Variants in PCP4 observed in about 807,000 individuals in gnomAD.
PCP4 encodes Purkinje cell protein 4, also known as calmodulin regulator protein PCP4.
In PCP4, 8 loss-of-function variants were observed where a neutral mutation model predicts 10.0. That is an observed-to-expected ratio of 0.80 (90% CI 0.47 to 1.45). The LOEUF is 1.45. Ranked by LOEUF, PCP4 falls within the 40% of genes most tolerant of loss-of-function variation. The pLI is 0.00. For synonymous variants in PCP4, 21 were observed against 23.0 expected (o/e 0.91, Z 0.24); for missense variants, 54 against 74.4 (o/e 0.73, Z 1.01).
intron 2 of PCP4, among the ~76,000 whole-genome samples, chr21:39,913,665 G>C (rs910002355): frequency 6.6e-6 from 1 of 152,186 alleles, no homozygotes; most frequent in Non-Finnish European, 1.5e-5. Context: ...GTAGCCTCAG[G>C]CTTGAGATTT....
chr21:39,909,034 C>T (rs1466027418), intron 2 of PCP4, among the ~76,000 whole-genome samples: 1 of 152,162 alleles, frequency 6.6e-6, no homozygotes, highest in Non-Finnish European at 1.5e-5. Flanking sequence ...GGGAATTGCT[C>T]TTTTCTGCAC....
At chr21:39,891,958 G>A (rs1248462929) in intron 1 of PCP4, among the ~76,000 whole-genome samples, 1 of 152,260 alleles carries the variant, frequency 6.6e-6, no homozygotes, top group East Asian at 1.9e-4. Flanking sequence ...CAGCACCACA[G>A]GGAGGGGTTT....
At chr21:39,882,525 G>A (rs956952889) in intron 1 of PCP4, among the ~76,000 whole-genome samples, 4 of 152,180 alleles carry the variant, frequency 2.6e-5, no homozygotes, top group East Asian at 1.9e-4. Context: ...CTCTGTGGCC[G>A]GTTTTTGTAA....
chr21:39,882,110 G>A (rs1243464820), intron 1 of PCP4, among the ~76,000 whole-genome samples: 3 of 152,220 alleles, frequency 2.0e-5, no homozygotes, highest in African/African-American at 4.8e-5. Flanking sequence ...GTGACTTGGT[G>A]CAAAGAAAGG....
chr21:39,893,282 T>A (rs2087441789), intron 1 of PCP4, among the ~76,000 whole-genome samples: 1 of 152,208 alleles, frequency 6.6e-6, no homozygotes, highest in East Asian at 1.9e-4. Context: ...TCAGGAAAAT[T>A]TACTTCAAAA....
At chr21:39,912,819 C>T (rs1328506172) in intron 2 of PCP4, among the ~76,000 whole-genome samples, 2 of 152,154 alleles carry the variant, frequency 1.3e-5, no homozygotes, top group African/African-American at 4.8e-5. Context: ...AAGCAATCCT[C>T]CTGTTTCAGC....
At chr21:39,874,117 T>C (rs1568848995) in intron 1 of PCP4, among the ~76,000 whole-genome samples, 4 of 152,178 alleles carry the variant, frequency 2.6e-5, no homozygotes, top group Admixed American at 1.3e-4. Flanking sequence ...ATTGAACATT[T>C]AAGGGCAAGG....
At position 39,867,441 on chromosome 21, in the gene PCP4, G is replaced by GA; in HGVS notation, c.-60dup. 1.2e-6 allele frequency: 2 copies of GA among 1,604,484 alleles called. No individual in the cohort carries two copies. The highest frequency in any genetic ancestry group is 1.7e-6 in the Non-Finnish European group (2 of 1,171,292). On this transcript the variant is annotated 5_prime_UTR_variant, in exon 1 of 3. Coordinates refer to ENST00000328619, the MANE Select transcript of PCP4 (RefSeq NM_006198.3). ...GAAAAGCCAGAACCGGTGGAGCAGC[G>GA]ACCCCTGAGCAGTGTTCTCTGTGCT... is the stretch of plus-strand genomic sequence containing the variant.
chr21:39,923,187 C>T (rs1014119328), intron 2 of PCP4, among the ~76,000 whole-genome samples: 7 of 152,144 alleles, frequency 4.6e-5, no homozygotes, highest in Admixed American at 1.3e-4. Context: ...AAAGGAAAAG[C>T]CGTAGACAAG....
chr21:39,900,888 A>G lies in PCP4; in HGVS notation c.61+2361A>G, dbSNP rs114549052. 2.8e-3 allele frequency among the ~76,000 whole-genome samples: 373 copies of G among 132,808 alleles called. 1 individual carries two copies. The highest frequency in any genetic ancestry group is 0.01 in the African/African-American group (363 of 34,716). The allele number at this position is 132,808 out of a possible 152,430, so 87.1% of individuals were successfully genotyped here. On this transcript the variant is annotated intron_variant, in intron 2 of 2. Coordinates refer to ENST00000328619, the MANE Select transcript of PCP4 (RefSeq NM_006198.3). Reference sequence around the variant, plus strand: ...TGCCATACACTGTCTCCTATATTAGAAATTAAAATGGAGAAAGTTTTAAAT... The same window carrying G: ...TGCCATACACTGTCTCCTATATTAGGAATTAAAATGGAGAAAGTTTTAAAT...
intron 1 of PCP4, among the ~76,000 whole-genome samples, chr21:39,890,729 C>A (rs1053086274): frequency 6.6e-6 from 1 of 152,010 alleles, no homozygotes; most frequent in Non-Finnish European, 1.5e-5. Flanking sequence ...AAAAATATTG[C>A]GTTAACATAT....
At chr21:39,899,824 T>TA (rs1412976731) in intron 2 of PCP4, among the ~76,000 whole-genome samples, 1 of 151,970 alleles carries the variant, frequency 6.6e-6, no homozygotes, top group Non-Finnish European at 1.5e-5. Context: ...GGATGGGGCT[T>TA]AAAAGGGAGG....
chr21:39,903,780 A>G (rs2087492460), intron 2 of PCP4, among the ~76,000 whole-genome samples: 2 of 147,664 alleles, frequency 1.4e-5, no homozygotes, highest in South Asian at 4.5e-4. Flanking sequence ...AGGCAGGAGA[A>G]TGGCGTGAAC....
At chr21:39,870,693 C>A (rs1047696787) in intron 1 of PCP4, among the ~76,000 whole-genome samples, 1 of 152,296 alleles carries the variant, frequency 6.6e-6, no homozygotes. Context: ...AACATCTGAG[C>A]GTGAATTTAA....
At chr21:39,903,821 T>C (rs2087492742) in intron 2 of PCP4, among the ~76,000 whole-genome samples, 2 of 146,942 alleles carry the variant, frequency 1.4e-5, no homozygotes, top group South Asian at 2.2e-4. Context: ...TGAGCCGAGA[T>C]TGTGCCACTG....
intron 1 of PCP4, among the ~76,000 whole-genome samples, chr21:39,887,745 T>C (rs183336662): frequency 6.6e-6 from 1 of 152,352 alleles, no homozygotes; most frequent in Admixed American, 6.5e-5. Context: ...AGATGGATCA[T>C]CTAAGAGCCT....
At chr21:39,867,940 G>C (rs372473203) in intron 1 of PCP4, among the ~76,000 whole-genome samples, 1 of 152,200 alleles carries the variant, frequency 6.6e-6, no homozygotes, top group Non-Finnish European at 1.5e-5. Flanking sequence ...AGGGCTGGCC[G>C]TTGGGTGGCA....
chr21:39,876,280 G>A (rs748256569), intron 1 of PCP4, among the ~76,000 whole-genome samples: 28 of 151,794 alleles, frequency 1.8e-4, no homozygotes, highest in Non-Finnish European at 3.4e-4. Context: ...CCATTACCCC[G>A]CCCCTATCCT....
chr21:39,910,282 C>G (rs2087533324), intron 2 of PCP4, among the ~76,000 whole-genome samples: 1 of 152,156 alleles, frequency 6.6e-6, no homozygotes, highest in African/African-American at 2.4e-5. Flanking sequence ...TGCAACAGAC[C>G]TGGCCTGTGT....
Sources: gnomAD v4.1 joint callset for allele counts (sites outside exome capture counted in the v4.1 genomes callset) on GRCh38, gnomAD v4.1.1 for gene constraint, MANE v1.5 for transcripts, NCBI Gene and HGNC (gene_info 2026-07-23, HGNC 2026-07-21) for gene names.